ELAPOR2: variants seen among roughly 807,000 people sequenced by gnomAD.
The protein encoded by ELAPOR2 is endosome/lysosome-associated apoptosis and autophagy regulator family member 2.
Under a neutral mutation model 120.7 loss-of-function variants are expected in ELAPOR2, and 89 were observed. That is an observed-to-expected ratio of 0.74 (90% confidence interval 0.62 to 0.88). The LOEUF (loss-of-function observed/expected upper bound fraction) is 0.88, where lower values mean the gene tolerates loss of function less well. ELAPOR2 is among the 40% of genes least tolerant of loss of function. The pLI, the probability that ELAPOR2 is intolerant of heterozygous loss-of-function variation, is 0.00. For missense variants in ELAPOR2, 1,134 were observed against 1,251.6 expected, an observed-to-expected ratio of 0.91 and a Z score of 1.42; for synonymous variants, 444 against 444.9, an observed-to-expected ratio of 1.00 and a Z score of 0.03.
intron 21 of ELAPOR2, among the ~76,000 whole-genome samples, chr7:86,886,181 T>C (rs1027548921): frequency 1.3e-5 from 2 of 152,154 alleles, no homozygotes; most frequent in African/African-American, 4.8e-5. Context: ...ATTGGAACTA[T>C]GTAAGCAGAT....
At chr7:86,960,253 G>A (rs1339367806) in intron 2 of ELAPOR2, among the ~76,000 whole-genome samples, 2 of 152,062 alleles carry the variant, frequency 1.3e-5, no homozygotes, top group East Asian at 3.9e-4. Flanking sequence ...TGCTGGTTTT[G>A]TTTTTGTTTG....
At chr7:86,970,620 A>C (rs906073466) in intron 1 of ELAPOR2, among the ~76,000 whole-genome samples, 1 of 152,194 alleles carries the variant, frequency 6.6e-6, no homozygotes, top group Non-Finnish European at 1.5e-5. Flanking sequence ...GGAAAGGCCA[A>C]AAGCAGGAGA....
At chr7:86,939,302 T>C (rs575153584) in intron 6 of ELAPOR2, among the ~76,000 whole-genome samples, 2 of 152,060 alleles carry the variant, frequency 1.3e-5, no homozygotes, top group Non-Finnish European at 2.9e-5. Flanking sequence ...TGGTAACCTG[T>C]TCCCTTTTTT....
At chr7:86,933,364 A>T (rs1205005007) in intron 8 of ELAPOR2, among the ~76,000 whole-genome samples, 1 of 151,904 alleles carries the variant, frequency 6.6e-6, no homozygotes, top group African/African-American at 2.4e-5. Context: ...ATATAGCTGA[A>T]TTTCCACCCT....
chr7:86,897,428 G>A (rs894118959), intron 19 of ELAPOR2, 78 bp downstream of exon 19: 1 of 1,512,664 alleles, frequency 6.6e-7, no homozygotes, highest in African/African-American at 1.4e-5. Context: ...CCATACTTCT[G>A]GACCTGAGTT....
chr7:86,980,900 A>G (rs1633452), intron 1 of ELAPOR2, among the ~76,000 whole-genome samples: 57,545 of 152,018 alleles, frequency 0.38, 11,755 homozygotes, highest in African/African-American at 0.53. Context: ...CTGATCCTGC[A>G]TATTGGTGGC....
At chr7:87,022,575 A>G (rs1794088347) in intron 1 of ELAPOR2, among the ~76,000 whole-genome samples, 1 of 152,100 alleles carries the variant, frequency 6.6e-6, no homozygotes, top group African/African-American at 2.4e-5. Context: ...ATGATTTATA[A>G]TCCTTTGGGT....
intron 1 of ELAPOR2, among the ~76,000 whole-genome samples, chr7:86,971,253 C>T (rs927855427): frequency 6.6e-6 from 1 of 152,186 alleles, no homozygotes; most frequent in African/African-American, 2.4e-5. Context: ...TGCTTCACAT[C>T]TTATGGTCTA....
At chr7:86,913,795 G>GT (rs1470757185) in intron 13 of ELAPOR2, among the ~76,000 whole-genome samples, 7 of 152,116 alleles carry the variant, frequency 4.6e-5, no homozygotes, top group Non-Finnish European at 1.0e-4. Flanking sequence ...GTCTTATTAT[G>GT]TTTTTCCTCC....
At chr7:86,921,806 C>A (rs1789844341) in intron 10 of ELAPOR2, among the ~76,000 whole-genome samples, 1 of 152,020 alleles carries the variant, frequency 6.6e-6, no homozygotes, top group Non-Finnish European at 1.5e-5. Flanking sequence ...ACAAGAAATG[C>A]AGGAGGACAA....
At chr7:86,998,031 A>G (rs1248882500) in intron 1 of ELAPOR2, among the ~76,000 whole-genome samples, 1 of 152,208 alleles carries the variant, frequency 6.6e-6, no homozygotes. Context: ...CAAATAAAAG[A>G]TTAAATTATC....
At chr7:86,958,969 T>A (rs1469968403) in intron 2 of ELAPOR2, among the ~76,000 whole-genome samples, 1 of 152,208 alleles carries the variant, frequency 6.6e-6, no homozygotes, top group Non-Finnish European at 1.5e-5. Flanking sequence ...GAGCATGGGA[T>A]AACTTTCCAT....
chr7:86,915,031 A>G (rs1416965454), intron 12 of ELAPOR2, among the ~76,000 whole-genome samples, 171 bp from the exon 13 acceptor site: 1 of 152,180 alleles, frequency 6.6e-6, no homozygotes, highest in Non-Finnish European at 1.5e-5. Flanking sequence ...TCAAGTCTGC[A>G]CAGGCACCTC....
At chr7:86,950,564 C>T (rs1207153043) in intron 2 of ELAPOR2, among the ~76,000 whole-genome samples, 1 of 152,220 alleles carries the variant, frequency 6.6e-6, no homozygotes, top group Non-Finnish European at 1.5e-5. Context: ...CTTGGTTCAG[C>T]TGCAGCCTCA....
chr7:87,030,851 G>A (rs1297651077), intron 1 of ELAPOR2, among the ~76,000 whole-genome samples: 1 of 152,164 alleles, frequency 6.6e-6, no homozygotes, highest in Non-Finnish European at 1.5e-5. Context: ...ACATACCCAA[G>A]ACTGGGTAAT....
In ELAPOR2 at chr7:86,893,841, T is replaced by A. The variant is rs116513786; in HGVS notation, c.2686-741A>T. Among the ~76,000 whole-genome samples the A allele has an allele frequency of 5.7e-3, 870 of 152,194 alleles. 11 individuals carry two copies. Among genetic ancestry groups the A allele is most frequent in the African/African-American group, 0.019 (806 of 41,558 alleles). On this transcript the variant is annotated intron_variant, in intron 19 of 21. Coordinates refer to ENST00000450689, the MANE Select transcript of ELAPOR2 (RefSeq NM_001142749.3). ...TACTGGGTCTCAACCAGGAATTTTT[T>A]AAAATAGACAGATCAAATAGGCAGA...
intron 15 of ELAPOR2, 174 bp downstream of exon 15, chr7:86,911,897 TG>T: frequency 4.6e-6 from 3 of 656,330 alleles, no homozygotes; most frequent in South Asian, 1.9e-5. Flanking sequence ...AGGTTGCCCC[TG>T]GTGGAGAAAT....
rs201215801 is a variant in ELAPOR2 at position 86,913,134 on chromosome 7, G to A, written c.1802C>T (p.Ala601Val). 2.7e-5 allele frequency: 44 copies of A among 1,614,016 alleles called. No individual in the cohort carries two copies. The highest frequency in any genetic ancestry group is 3.3e-4 in the Middle Eastern group (2 of 6,060). ...GAGGGCACAGGCACGGCATGAGGAC[G>A]CCACCCCATCAACTGCATTAGTGGC... ...ITATNAVDGV[A>V]SSCRACALGS... Residue 601 changes from alanine to valine, a missense_variant, in exon 14 of 22, where the codon GCG becomes GTG. This residue lies in a region of ELAPOR2 where 831 missense variants were observed against 867.6 expected (regional missense o/e 0.96). Transcript: ENST00000450689.
At chr7:86,985,843 G>A (rs1583951439) in intron 1 of ELAPOR2, among the ~76,000 whole-genome samples, 1 of 148,084 alleles carries the variant, frequency 6.8e-6, no homozygotes, top group South Asian at 2.3e-4. Context: ...ACAGGCCCCA[G>A]TGTGTGATGT....
Sources: allele counts gnomAD v4.1 joint callset (sites outside exome capture counted in the v4.1 genomes callset), GRCh38; gene constraint gnomAD v4.1.1; regional missense constraint gnomAD v4.1.1; transcripts MANE v1.5; gene names NCBI Gene and HGNC (gene_info 2026-07-23, HGNC 2026-07-21).